COL24A1: variants seen among roughly 807,000 people sequenced by gnomAD.
The protein encoded by COL24A1 is collagen alpha-1(XXIV) chain.
COL24A1 carries 224 observed loss-of-function variants against 253.9 expected under a neutral mutation model. The ratio of observed to expected loss-of-function variants is 0.88; its 90% CI spans 0.79 to 0.99. COL24A1 has a LOEUF of 0.99. COL24A1 is among the 50% of genes least tolerant of loss of function. The probability of loss-of-function intolerance (pLI) is 0.00; values close to 1 mark genes in which losing one functional copy is unlikely to be tolerated. For synonymous variants in COL24A1, 685 were observed against 673.7 expected (o/e 1.02, Z -0.26); for missense variants, 2,131 against 2,068.5 (o/e 1.03, Z -0.59).
intron 20 of COL24A1, among the ~76,000 whole-genome samples, chr1:85,978,871 C>A (rs1692960618): frequency 6.6e-6 from 1 of 152,152 alleles, no homozygotes; most frequent in African/African-American, 2.4e-5. Context: ...TTCTACCCAA[C>A]AACTGCAGAA....
At chr1:85,789,930 A>G (rs530590404) in intron 47 of COL24A1, among the ~76,000 whole-genome samples, 3 of 152,180 alleles carry the variant, frequency 2.0e-5, no homozygotes, top group East Asian at 3.9e-4. Context: ...AAGCTTTTTG[A>G]TGTACTGCTG....
At position 86,092,311 on chromosome 1, in the gene COL24A1, CT is replaced by C; in HGVS notation, c.1608del (p.Gly537GlufsTer23). 6.2e-7 allele frequency: 1 copy of C among 1,604,884 alleles called. No homozygotes were observed. The highest frequency in any genetic ancestry group is 8.5e-7 in the Non-Finnish European group (1 of 1,173,368). On this transcript the variant is annotated frameshift_variant, in exon 6 of 60. Coordinates refer to ENST00000370571, the MANE Select transcript of COL24A1 (RefSeq NM_152890.7). LOFTEE classifies it high-confidence loss of function. ...LPGLPGPKGP[K>X]GDPGFSPGQP... The stretch of plus-strand genomic sequence containing the variant: ...TGACCTGGGGAAAATCCTGGATCTC[CT>C]TTGGGGCCCTAAATAAAATAGTTAT...
rs139185994 is a variant in COL24A1 at position 85,900,185 on chromosome 1, T to G, written c.2779-3776A>C. ...AATACTTTTACTACTCAAAGCAATCTAGAGATTCAGTGCAATCCCTATCAA... is the reference window on the plus strand; with the variant it reads ...AATACTTTTACTACTCAAAGCAATCGAGAGATTCAGTGCAATCCCTATCAA... On this transcript the variant is annotated intron_variant, in intron 28 of 59. Transcript: ENST00000370571. Among the ~76,000 whole-genome samples the G allele has an allele frequency of 8.6e-4, 131 of 152,294 alleles. 1 individual carries two copies. The highest frequency in any genetic ancestry group is 6.0e-3 in the East Asian group (31 of 5,190).
intron 47 of COL24A1, among the ~76,000 whole-genome samples, chr1:85,807,527 T>C (rs72950683): frequency 0.021 from 3,273 of 152,304 alleles, 124 homozygotes; most frequent in African/African-American, 0.074. Flanking sequence ...TGATGGTTAA[T>C]TGAACATAGG....
At chr1:85,830,207 TG>T (rs1476320658) in intron 43 of COL24A1, among the ~76,000 whole-genome samples, 3 of 152,104 alleles carry the variant, frequency 2.0e-5, no homozygotes, top group African/African-American at 7.2e-5. Flanking sequence ...CTGCCCCTGC[TG>T]GGGGGTGCCT....
At chr1:85,758,978 A>C (rs965491969) in intron 55 of COL24A1, among the ~76,000 whole-genome samples, 75 of 89,394 alleles carry the variant, frequency 8.4e-4, no homozygotes, top group African/African-American at 2.5e-3. Flanking sequence ...ATATCTATTA[A>C]GCAGTCCCTC....
Position 85,816,774 on chromosome 1 carries a change from T to C in COL24A1, c.3951+14A>G, listed in dbSNP as rs376303475. ...ATAGGAAATAATGAGCAAAGAGATA[T>C]CCGTACTACTCACAGGAAGTCCCTG... On this transcript the variant is annotated intron_variant, in intron 47 of 59. Coordinates refer to ENST00000370571, the MANE Select transcript of COL24A1 (RefSeq NM_152890.7). The C allele has an allele frequency of 1.6e-5, 26 of 1,591,210 alleles. No individual in the cohort carries two copies. The highest frequency in any genetic ancestry group is 1.5e-4 in the South Asian group (14 of 90,594).
intron 20 of COL24A1, among the ~76,000 whole-genome samples, chr1:85,974,220 C>A (rs1692442696): frequency 6.6e-6 from 1 of 151,968 alleles, no homozygotes. Context: ...CTAATATTAA[C>A]AAACTTGATC....
chr1:85,882,373 G>C (rs1242278176), intron 32 of COL24A1, among the ~76,000 whole-genome samples: 1 of 152,162 alleles, frequency 6.6e-6, no homozygotes, highest in East Asian at 1.9e-4. Context: ...GCTGAGGAAG[G>C]AGAATGGCGC....
intron 3 of COL24A1, among the ~76,000 whole-genome samples, chr1:86,118,002 A>G (rs1449985452): frequency 6.6e-6 from 1 of 152,160 alleles, no homozygotes; most frequent in East Asian, 1.9e-4. Context: ...GCTATTGTAT[A>G]TAAAATACCT....
intron 24 of COL24A1, 128 bp from the exon 25 acceptor site, chr1:85,911,561 TTCCTC>T: frequency 1.3e-6 from 1 of 787,424 alleles, no homozygotes; most frequent in Admixed American, 2.3e-5. Context: ...TGGAGTAAAA[TTCCTC>T]CTTGTATAGC....
chr1:85,760,091 T>G (rs981384820), intron 55 of COL24A1, among the ~76,000 whole-genome samples: 10 of 152,198 alleles, frequency 6.6e-5, no homozygotes, highest in South Asian at 6.2e-4. Context: ...TTGTTTGTTT[T>G]TTTGAGACAG....
Position 86,022,551 on chromosome 1 carries a change from T to G in COL24A1, c.2189A>C (p.Tyr730Ser). ...GTAGELGEPGYPGDKGAVGLP... is the reference protein window; with the variant it reads ...GTAGELGEPGSPGDKGAVGLP... ...TATAAACATTACCTTGTCTCCAGGATACCCGGGTTCTCCTAGCTCTCCTGC... is the reference window on the plus strand; with the variant it reads ...TATAAACATTACCTTGTCTCCAGGAGACCCGGGTTCTCCTAGCTCTCCTGC... Residue 730 changes from tyrosine to serine, a missense_variant, in exon 17 of 60, where the codon TAT (tyrosine) becomes TCT (serine). Physicochemically the swap from Tyr to Ser is moderately radical, Grantham distance 144. Coordinates refer to ENST00000370571, the MANE Select transcript of COL24A1 (RefSeq NM_152890.7). 2 of 1,612,500 alleles carry G rather than the reference T, an allele frequency of 1.2e-6. No individual in the cohort carries two copies. The highest frequency in any genetic ancestry group is 1.7e-6 in the Non-Finnish European group (2 of 1,179,240).
At chr1:85,901,070 C>T (rs1684239652) in intron 28 of COL24A1, among the ~76,000 whole-genome samples, 1 of 151,990 alleles carries the variant, frequency 6.6e-6, no homozygotes, top group Non-Finnish European at 1.5e-5. Context: ...CTATGGTAAA[C>T]AAAAAAGCTT....
At chr1:86,041,493 AGCTCTGTAAAT>A (rs1699478173) in intron 12 of COL24A1, among the ~76,000 whole-genome samples, 1 of 152,124 alleles carries the variant, frequency 6.6e-6, no homozygotes, top group Non-Finnish European at 1.5e-5. Context: ...TCAAGCTGAG[AGCTCTGTAAAT>A]GCTTTTTTTA....
chr1:86,046,573 G>A (rs924497854), intron 12 of COL24A1, among the ~76,000 whole-genome samples: 15 of 152,070 alleles, frequency 9.9e-5, no homozygotes, highest in African/African-American at 2.7e-4. Context: ...GCTCCTTGCC[G>A]TAGAGATAAG....
chr1:85,987,125 T>C (rs922066468), intron 20 of COL24A1, among the ~76,000 whole-genome samples: 1 of 151,820 alleles, frequency 6.6e-6, no homozygotes, highest in African/African-American at 2.4e-5. Flanking sequence ...ATGATGAGTT[T>C]CAATAACGGT....
intron 39 of COL24A1, among the ~76,000 whole-genome samples, chr1:85,843,408 T>G (rs1256725864): frequency 3.9e-5 from 6 of 152,174 alleles, no homozygotes; most frequent in Admixed American, 3.9e-4. Flanking sequence ...TAATCTAGAA[T>G]AGAATGTAAC....
intron 2 of COL24A1, among the ~76,000 whole-genome samples, chr1:86,144,719 T>C (rs1042206302): frequency 6.8e-6 from 1 of 147,268 alleles, no homozygotes; most frequent in Non-Finnish European, 1.5e-5. Flanking sequence ...CAAATCTTGG[T>C]TCTTCCATTC....
Sources: gnomAD v4.1 joint callset for allele counts (sites outside exome capture counted in the v4.1 genomes callset) on GRCh38, gnomAD v4.1.1 for gene constraint, MANE v1.5 for transcripts, NCBI Gene and HGNC (gene_info 2026-07-23, HGNC 2026-07-21) for gene names.